CCSER2: variants seen among roughly 807,000 people sequenced by gnomAD.
CCSER2 encodes coiled-coil serine rich protein 2.
CCSER2 carries 46 observed loss-of-function variants against 92.3 expected under a neutral mutation model. The ratio of observed to expected loss-of-function variants is 0.50; its 90% CI spans 0.39 to 0.64. The LOEUF is 0.64. CCSER2 is among the 30% of genes least tolerant of loss of function. CCSER2 has a pLI of 0.00. For missense variants in CCSER2, 1,244 were observed against 1,238.9 expected (o/e 1.00, Z -0.06); for synonymous variants, 433 against 431.4 (o/e 1.00, Z -0.04).
At chr10:84,349,018 G>A (rs1381776177) in intron 1 of CCSER2, among the ~76,000 whole-genome samples, 2 of 151,820 alleles carry the variant, frequency 1.3e-5, no homozygotes, top group Non-Finnish European at 1.5e-5. Flanking sequence ...ATTTAACATT[G>A]ACGCAATAGT....
At chr10:84,451,428 G>A (rs10887295) in intron 6 of CCSER2, among the ~76,000 whole-genome samples, 55,938 of 151,846 alleles carry the variant, frequency 0.37, 10,563 homozygotes, top group Admixed American at 0.51. Context: ...CTACAGGCAC[G>A]TGCCGTTGCG....
intron 3 of CCSER2, among the ~76,000 whole-genome samples, chr10:84,377,760 T>G (rs1363180112): frequency 1.3e-5 from 2 of 152,220 alleles, no homozygotes; most frequent in African/African-American, 4.8e-5. Context: ...AGTCCTCCAT[T>G]AATTTCAGAC....
chr10:84,495,195 G>A (rs1404836936), intron 9 of CCSER2, among the ~76,000 whole-genome samples: 1 of 122,322 alleles, frequency 8.2e-6, no homozygotes, highest in African/African-American at 3.0e-5. Flanking sequence ...TTTTTCTCTT[G>A]AGACTTCCTC....
intron 9 of CCSER2, among the ~76,000 whole-genome samples, chr10:84,490,679 G>T (rs1008435491): frequency 1.4e-4 from 22 of 152,158 alleles, no homozygotes; most frequent in Admixed American, 1.4e-3. Context: ...TTTGCATGGG[G>T]TTCGAACTTC....
In CCSER2 at chr10:84,514,080, G is replaced by A. The variant is rs756430449; in HGVS notation, c.2957G>A (p.Gly986Asp). The change falls in exon 10 of 10, where the codon GGC becomes GAC. Residue 986 changes from glycine to aspartate, a missense_variant. Physicochemically the swap from Gly to Asp is moderately conservative, Grantham distance 94. Transcript: ENST00000372088. ...GCATCTAAGCTCCGCCCCCCCTCAG[G>A]CTCTTTCAAACAAAAACAAACAAAC... ...LKASKLRPPS[G>D]SFKQKQTNSP... The A allele has an allele frequency of 7.2e-6, 11 of 1,535,832 alleles. No individual in the cohort carries two copies. The Admixed American group carries it at 1.2e-4, about 16-fold the overall frequency.
At position 84,488,658 on chromosome 10, in the gene CCSER2, A is replaced by C. The variant is rs548430155; in HGVS notation, c.2325+10994A>C. Among the ~76,000 whole-genome samples the C allele has an allele frequency of 7.2e-5, 11 of 152,054 alleles. No individual in the cohort carries two copies. In the South Asian group the frequency reaches 2.1e-3, roughly 29 times the overall value. ...CTTCTTTATTAGTCTTGCTAGCAGT[A>C]TATCAATTTTGTTGACATTTTCAAA... On this transcript the variant is annotated intron_variant, in intron 9 of 9. Transcript: ENST00000372088.
Position 84,470,379 on chromosome 10 carries a change from A to G in CCSER2, c.2156A>G (p.Asp719Gly), listed in dbSNP as rs772801708. 10 of 1,321,030 alleles carry G rather than the reference A, an allele frequency of 7.6e-6. No individual in the cohort carries two copies. The East Asian group carries it at 1.9e-4, about 26-fold the overall frequency. The allele number at this position is 1,321,030 out of a possible 1,614,324, so 81.8% of individuals were successfully genotyped here. ...GATTTTTTAATATTTCAGAATGAAG[A>G]TTTATTAAATGAAATAAAACAACTT... ...EDGDKVYKNE[D>G]LLNEIKQLKD... The change falls in exon 8 of 10, where the codon GAT becomes GGT. Residue 719 changes from aspartate to glycine, a missense_variant. Transcript: ENST00000372088.
At chr10:84,509,729 T>G (rs777238726) in intron 9 of CCSER2, among the ~76,000 whole-genome samples, 3 of 152,174 alleles carry the variant, frequency 2.0e-5, no homozygotes, top group Non-Finnish European at 4.4e-5. Flanking sequence ...GTTTTACTCA[T>G]TTGTGACTAT....
chr10:84,438,778 A>T (rs11201037), intron 6 of CCSER2, 71 bp downstream of exon 6: 20 of 890,726 alleles, frequency 2.2e-5, no homozygotes, highest in East Asian at 1.3e-4. Context: ...AGTTTTTTTT[A>T]AAAAAATACT....
intron 4 of CCSER2, among the ~76,000 whole-genome samples, chr10:84,421,772 A>G (rs759044004): frequency 2.0e-5 from 3 of 152,212 alleles, no homozygotes; most frequent in Non-Finnish European, 4.4e-5. Flanking sequence ...TTTAATCAAA[A>G]TGGTACATGA....
In CCSER2 at chr10:84,394,230, T is replaced by C. The variant is rs187708955; in HGVS notation, c.1614+20415T>C. 3.7e-3 allele frequency among the ~76,000 whole-genome samples: 571 copies of C among 152,346 alleles called. 4 individuals carry two copies. Among genetic ancestry groups the C allele is most frequent in the African/African-American group, 0.013 (534 of 41,588 alleles). On this transcript the variant is annotated intron_variant, in intron 3 of 9. Coordinates refer to ENST00000372088, the MANE Select transcript of CCSER2 (RefSeq NM_001284240.2). ...CTTCTACTATGCTCCAGGCATACTC[T>C]TAATTTCTGAGGACACTGAGGTGGA...
chr10:84,484,292 T>C (rs560503814), intron 9 of CCSER2, among the ~76,000 whole-genome samples: 50 of 151,944 alleles, frequency 3.3e-4, no homozygotes, highest in South Asian at 1.0e-3. Context: ...TCTATATTTT[T>C]AGTAGAGATG....
chr10:84,496,280 T>C (rs1848444519), intron 9 of CCSER2, among the ~76,000 whole-genome samples: 1 of 152,040 alleles, frequency 6.6e-6, no homozygotes, highest in African/African-American at 2.4e-5. Flanking sequence ...CACTCCCCAG[T>C]CCTCCCTTTC....
intron 9 of CCSER2, among the ~76,000 whole-genome samples, chr10:84,511,333 A>G (rs1020747568): frequency 3.3e-5 from 5 of 152,230 alleles, no homozygotes; most frequent in African/African-American, 1.2e-4. Context: ...AAACAGTACA[A>G]GTGGTGAGTA....
intron 3 of CCSER2, among the ~76,000 whole-genome samples, chr10:84,384,123 T>C (rs769934121): frequency 2.0e-5 from 3 of 152,086 alleles, no homozygotes; most frequent in Non-Finnish European, 4.4e-5. Context: ...GAAATTGAAT[T>C]AGTCATTAAA....
chr10:84,410,035 G>A (rs970932556), intron 3 of CCSER2, among the ~76,000 whole-genome samples: 32 of 152,058 alleles, frequency 2.1e-4, no homozygotes, highest in African/African-American at 6.3e-4. Context: ...CTGTTCCTGC[G>A]TTAGTTTGAT....
At chr10:84,411,903 G>C (rs771387461) in intron 3 of CCSER2, among the ~76,000 whole-genome samples, 12 of 152,278 alleles carry the variant, frequency 7.9e-5, no homozygotes, top group Non-Finnish European at 1.3e-4. Flanking sequence ...CAAGGGGAAC[G>C]CCTCCAGCTT....
At chr10:84,473,906 A>G (rs1355669431) in intron 8 of CCSER2, among the ~76,000 whole-genome samples, 1 of 152,068 alleles carries the variant, frequency 6.6e-6, no homozygotes, top group Non-Finnish European at 1.5e-5. Flanking sequence ...ATGCTTTTTT[A>G]TCTTTTTAAA....
At chr10:84,398,038 TTTG>T (rs1164543295) in intron 3 of CCSER2, among the ~76,000 whole-genome samples, 3 of 152,146 alleles carry the variant, frequency 2.0e-5, no homozygotes, top group African/African-American at 7.2e-5. Flanking sequence ...CAACACACTG[TTTG>T]TTATCTTACT....
Sources: gnomAD v4.1 joint callset for allele counts (sites outside exome capture counted in the v4.1 genomes callset) on GRCh38, gnomAD v4.1.1 for gene constraint, MANE v1.5 for transcripts, NCBI Gene and HGNC (gene_info 2026-07-23, HGNC 2026-07-21) for gene names.